Variants in COLEC10 observed in about 807,000 individuals in gnomAD.
The protein encoded by COLEC10 is collectin subfamily member 10.
A neutral mutation model predicts 28.4 loss-of-function variants in COLEC10; 22 were observed. The observed-to-expected ratio is 0.78, with a 90% CI of 0.55 to 1.11. The LOEUF is 1.11. COLEC10 is among the 50% of genes least tolerant of loss of function. COLEC10 has a pLI of 0.00. For synonymous variants in COLEC10, 125 were observed against 116.1 expected (o/e 1.08, Z -0.49); for missense variants, 361 against 344.1 (o/e 1.05, Z -0.39).
chr8:119,081,947 A>G (rs553869742), intron 1 of COLEC10, among the ~76,000 whole-genome samples: 40 of 152,356 alleles, frequency 2.6e-4, no homozygotes, highest in African/African-American at 8.7e-4. Context: ...AACAGACACT[A>G]TTCTAGGCAC....
upstream of COLEC10, among the ~76,000 whole-genome samples, chr8:118,994,971 A>G (rs1331503884): frequency 6.6e-6 from 1 of 152,140 alleles, no homozygotes; most frequent in East Asian, 1.9e-4. Flanking sequence ...GTGTTAATTC[A>G]ATTCAATGTG....
In COLEC10 at chr8:119,026,545, A is replaced by G. The variant is rs188322452; in HGVS notation, n.235+16992A>G. Among the ~76,000 whole-genome samples the G allele has an allele frequency of 2.9e-3, 446 of 152,170 alleles. 1 individual carries two copies. The highest frequency in any genetic ancestry group is 0.01 in the African/African-American group (425 of 41,530). On this transcript the variant is annotated intron_variant and non_coding_transcript_variant, in intron 2 of 6. Transcript: ENST00000521788. ...CTATCTCAAAACAAAAACAAAAACA[A>G]CCATGGTTTTAGCTCTATACAATCA...
the COLEC10 span, among the ~76,000 whole-genome samples, chr8:118,960,716 G>A: frequency 6.6e-6 from 1 of 151,216 alleles, no homozygotes; most frequent in South Asian, 2.1e-4. Context: ...ACCGGTGGGG[G>A]GTGGAGGTTG....
intron 1 of COLEC10, chr8:119,068,534 A>G (rs1815019533): frequency 6.6e-6 from 1 of 152,218 alleles, no homozygotes; most frequent in Admixed American, 6.5e-5. Flanking sequence ...TCCTTAGAGT[A>G]TAGGAAACTT....
chr8:118,979,459 C>CAAT, the COLEC10 span, among the ~76,000 whole-genome samples: 63 of 151,146 alleles, frequency 4.2e-4, no homozygotes, highest in South Asian at 7.1e-3. Context: ...GTAAGGTAAA[C>CAAT]AATAATAATA....
At chr8:118,975,904 C>G in the COLEC10 span, among the ~76,000 whole-genome samples, 7,866 of 152,024 alleles carry the variant, frequency 0.052, 318 homozygotes, top group East Asian at 0.16. Flanking sequence ...GCTTCTGGGT[C>G]CTTCTATCTT....
At chr8:119,087,731 T>C (rs1455159896) in intron 1 of COLEC10, among the ~76,000 whole-genome samples, 3 of 152,080 alleles carry the variant, frequency 2.0e-5, no homozygotes, top group African/African-American at 2.4e-5. Context: ...AAATCCACCA[T>C]CTGCTAAGAG....
chr8:119,005,874 G>A (rs189381232), intron 1 of COLEC10, among the ~76,000 whole-genome samples: 14 of 152,194 alleles, frequency 9.2e-5, no homozygotes, highest in Admixed American at 8.5e-4. Flanking sequence ...TAGTTGGGTA[G>A]CTCAAGCATT....
rs140420489 is a variant in COLEC10, at chr8:119,097,310, C to T, written c.293-5038C>T. ...ATAATTTTTGGTTAACTGTGCTAAG[C>T]GAAAGAGTATTATCTGACTACGTTA... On this transcript the variant is annotated intron_variant, in intron 3 of 5. Transcript: ENST00000332843. 1.9e-3 allele frequency among the ~76,000 whole-genome samples: 291 copies of T among 151,344 alleles called. 3 individuals are homozygous for T. The highest frequency in any genetic ancestry group is 6.4e-3 in the African/African-American group (265 of 41,258).
the COLEC10 span, among the ~76,000 whole-genome samples, chr8:118,984,733 T>G: frequency 2.0e-5 from 3 of 151,988 alleles, no homozygotes; most frequent in Non-Finnish European, 4.4e-5. Flanking sequence ...GGGAGGTATA[T>G]TAGTTTGTTT....
At chr8:119,053,178 G>C (rs1352169192) in intron 2 of COLEC10, among the ~76,000 whole-genome samples, 1 of 152,066 alleles carries the variant, frequency 6.6e-6, no homozygotes, top group Non-Finnish European at 1.5e-5. Flanking sequence ...ATATTGGGAT[G>C]CTTCAGGGAA....
chr8:118,978,736 TAGAC>T, the COLEC10 span, among the ~76,000 whole-genome samples: 6 of 152,176 alleles, frequency 3.9e-5, no homozygotes, highest in African/African-American at 1.2e-4. Flanking sequence ...AAAATTTAGA[TAGAC>T]AGTGTTAAAT....
At chr8:119,105,747 T>A in intron 5 of COLEC10, 53 bp from the exon 6 acceptor site, 1 of 1,461,492 alleles carries the variant, frequency 6.8e-7, no homozygotes, top group Non-Finnish European at 9.2e-7. Context: ...ATAATTTTGT[T>A]GCCTTTTATC....
chr8:118,968,744 G>C, the COLEC10 span, among the ~76,000 whole-genome samples: 5 of 151,750 alleles, frequency 3.3e-5, no homozygotes, highest in African/African-American at 9.7e-5. Flanking sequence ...ATCTGCATTA[G>C]GTATTACTCC....
the COLEC10 span, among the ~76,000 whole-genome samples, chr8:118,980,972 T>A: frequency 1.3e-5 from 2 of 152,006 alleles, no homozygotes; most frequent in Non-Finnish European, 2.9e-5. Flanking sequence ...TTTTTTTGTC[T>A]AACTTATTTC....
chr8:119,062,008 C>CA (rs558606796), intron 2 of COLEC10, among the ~76,000 whole-genome samples: 1 of 151,682 alleles, frequency 6.6e-6, no homozygotes, highest in Non-Finnish European at 1.5e-5. Context: ...GAAAGCTATG[C>CA]AAAAAAACCA....
At chr8:119,056,131 A>G (rs1814757702) in intron 2 of COLEC10, among the ~76,000 whole-genome samples, 2 of 152,070 alleles carry the variant, frequency 1.3e-5, no homozygotes, top group African/African-American at 2.4e-5. Context: ...CAAAGAATCA[A>G]TAGATCTTGT....
chr8:119,106,065 G>A lies in COLEC10; in HGVS notation c.708G>A (p.Glu236=), dbSNP rs142094873. Reference sequence around the variant, plus strand: ...TGCAGAACTATAGCAACTGGAATGAGGGGGAACCCAGCGACCCCTATGGTC... The same window carrying A: ...TGCAGAACTATAGCAACTGGAATGAAGGGGAACCCAGCGACCCCTATGGTC... ...TPLQNYSNWN[E]GEPSDPYGHE... is the part of the protein sequence containing the mutation. Residue 236 remains glutamate, a synonymous_variant, in exon 6 of 6, where the codon GAG becomes GAA. Coordinates refer to ENST00000332843, the MANE Select transcript of COLEC10 (RefSeq NM_006438.5). 1.1e-4 allele frequency: 175 copies of A among 1,613,818 alleles called. No individual in the cohort carries two copies. The highest frequency in any genetic ancestry group is 1.4e-4 in the Non-Finnish European group (169 of 1,179,902).
At chr8:119,091,589 GAGAGAGAGAAAGAAAGAA>G (rs1209631437) in intron 3 of COLEC10, among the ~76,000 whole-genome samples, 6 of 89,726 alleles carry the variant, frequency 6.7e-5, no homozygotes, top group African/African-American at 2.4e-4. Flanking sequence ...GAGAGAGAGA[GAGAGAGAGAAAGAAAGAA>G]AGAAAGAAAG....
Sources: allele counts gnomAD v4.1 joint callset (sites outside exome capture counted in the v4.1 genomes callset), GRCh38; gene constraint gnomAD v4.1.1; transcripts MANE v1.5; gene names NCBI Gene and HGNC (gene_info 2026-07-23, HGNC 2026-07-21).